TECPR2: variants seen among roughly 807,000 people sequenced by gnomAD.
The protein encoded by TECPR2 is tectonin beta-propeller repeat-containing protein 2.
Under a neutral mutation model 138.1 loss-of-function variants are expected in TECPR2, and 65 were observed. The ratio of observed to expected loss-of-function variants is 0.47; its 90% CI spans 0.39 to 0.58. The LOEUF (loss-of-function observed/expected upper bound fraction) is 0.58, where lower values mean the gene tolerates loss of function less well. Among genes scored for constraint, TECPR2 ranks in the 20% least tolerant of loss-of-function variants. The probability of loss-of-function intolerance (pLI) is 0.00; values close to 1 mark genes in which losing one functional copy is unlikely to be tolerated. For missense variants in TECPR2, 1,553 were observed against 1,824.5 expected, an observed-to-expected ratio of 0.85 and a Z score of 2.71; for synonymous variants, 746 against 749.8, an observed-to-expected ratio of 0.99 and a Z score of 0.08.
Position 102,376,773 on chromosome 14 carries a change from T to C in TECPR2, c.52T>C (p.Tyr18His). Residue 18 changes from tyrosine (Y) to histidine (H), a missense_variant, in exon 2 of 20, where the codon TAT becomes CAT. Transcript: ENST00000359520. Reference protein sequence around the residue: ...VTFREFCPLYYLLNAIPTKIQ... With the variant: ...VTFREFCPLYHLLNAIPTKIQ... Reference sequence around the variant, plus strand: ...ATTCAGAGAGTTCTGCCCGTTGTACTATCTCCTCAATGCCATTCCGACAAA... The same window carrying C: ...ATTCAGAGAGTTCTGCCCGTTGTACCATCTCCTCAATGCCATTCCGACAAA... The C allele has an allele frequency of 6.2e-7, 1 of 1,614,222 alleles. No individual in the cohort carries two copies. Among genetic ancestry groups the C allele is most frequent in the Non-Finnish European group, 8.5e-7 (1 of 1,180,042 alleles).
chr14:102,449,730 A>C lies in TECPR2; in HGVS notation c.3177A>C (p.Glu1059Asp). 1.2e-6 allele frequency: 2 copies of C among 1,614,132 alleles called. No individual in the cohort carries two copies. Among genetic ancestry groups the C allele is most frequent in the Non-Finnish European group, 1.7e-6 (2 of 1,180,030 alleles). Residue 1059 changes from glutamate to aspartate, a missense_variant, in exon 14 of 20, where the codon GAA (glutamate) becomes GAC (aspartate). Glu to Asp is a conservative substitution (Grantham distance 45, BLOSUM62 2). Transcript: ENST00000359520. ...SVATAAQAPV[E>D]KVADKLRMAF... ...CCACAGCAGCCCAAGCCCCCGTAGA[A>C]AAGGTGGCAGATAAGCTGCGCATGG...
chr14:102,481,447 C>T (rs1043965748), intron 17 of TECPR2, among the ~76,000 whole-genome samples: 1 of 152,166 alleles, frequency 6.6e-6, no homozygotes, highest in Non-Finnish European at 1.5e-5. Flanking sequence ...CCACACCGAG[C>T]CTGGTTTTTA....
At chr14:102,481,464 A>G (rs1254301685) in intron 17 of TECPR2, among the ~76,000 whole-genome samples, 1 of 152,132 alleles carries the variant, frequency 6.6e-6, no homozygotes. Flanking sequence ...TTTATTTTTC[A>G]TGAAAGTCAT....
At chr14:102,390,914 A>G (rs1002730010) in intron 2 of TECPR2, among the ~76,000 whole-genome samples, 1 of 152,140 alleles carries the variant, frequency 6.6e-6, no homozygotes, top group Non-Finnish European at 1.5e-5. Context: ...TTTCTTGTAT[A>G]TTATATGATC....
At position 102,461,273 on chromosome 14, in the gene TECPR2, A is replaced by G. The variant is rs114250910; in HGVS notation, c.3641-3868A>G. Among the ~76,000 whole-genome samples, 310 of 152,348 alleles carry G rather than the reference A, an allele frequency of 2.0e-3. 2 individuals carry two copies. Among genetic ancestry groups the G allele is most frequent in the African/African-American group, 7.1e-3 (295 of 41,582 alleles). ...CATTATGTCAGGCATTGGAATGTTT[A>G]GCAAACTAATGAAATTTGTAATTTA... On this transcript the variant is annotated intron_variant, in intron 16 of 19. Coordinates refer to ENST00000359520, the MANE Select transcript of TECPR2 (RefSeq NM_014844.5).
intron 2 of TECPR2, among the ~76,000 whole-genome samples, chr14:102,389,189 G>A (rs781292514): frequency 4.0e-5 from 6 of 151,628 alleles, no homozygotes; most frequent in Admixed American, 6.6e-5. Flanking sequence ...AGCCAGGTGT[G>A]GTGGCACACA....
intron 17 of TECPR2, among the ~76,000 whole-genome samples, chr14:102,483,000 C>T (rs367652816): frequency 2.0e-4 from 30 of 151,334 alleles, no homozygotes; most frequent in African/African-American, 6.1e-4. Flanking sequence ...CCCGCTACCA[C>T]GCCTGGCTAA....
At chr14:102,447,007 G>A (rs1889999821) in intron 13 of TECPR2, among the ~76,000 whole-genome samples, 1 of 152,140 alleles carries the variant, frequency 6.6e-6, no homozygotes, top group Non-Finnish European at 1.5e-5. Flanking sequence ...AGGCCTCTAA[G>A]TAGATGGTAT....
At position 102,376,837 on chromosome 14, in the gene TECPR2, C is replaced by T. The variant is rs778507175; in HGVS notation, c.116C>T (p.Thr39Met). The T allele has an allele frequency of 8.7e-6, 14 of 1,614,070 alleles. No individual in the cohort carries two copies. In the South Asian group the frequency reaches 9.9e-5, roughly 11 times the overall value. ...TTCCGCTCTATCGTGGTCTATCTCA[C>T]GGCCCTCGACACCAACGGGGACTAC... ...KGFRSIVVYLTALDTNGDYIA... is the reference protein window; with the variant it reads ...KGFRSIVVYLMALDTNGDYIA... The change falls in exon 2 of 20, where the codon ACG becomes ATG. Residue 39 changes from threonine to methionine, a missense_variant. Physicochemically the swap from Thr to Met is moderately conservative, Grantham distance 81. Coordinates refer to ENST00000359520, the MANE Select transcript of TECPR2 (RefSeq NM_014844.5).
intron 2 of TECPR2, among the ~76,000 whole-genome samples, chr14:102,406,710 C>G (rs1888668396): frequency 6.6e-6 from 1 of 152,108 alleles, no homozygotes; most frequent in Admixed American, 6.5e-5. Context: ...TTAAAATTAC[C>G]TGGGTGTGGG....
chr14:102,397,803 T>C (rs1352872554), intron 2 of TECPR2, among the ~76,000 whole-genome samples: 2 of 149,434 alleles, frequency 1.3e-5, no homozygotes, highest in African/African-American at 4.9e-5. Flanking sequence ...GAAGGCTGGG[T>C]GTGGTGGCTT....
At chr14:102,372,765 C>G (rs1247921182) in intron 1 of TECPR2, among the ~76,000 whole-genome samples, 1 of 151,730 alleles carries the variant, frequency 6.6e-6, no homozygotes, top group Non-Finnish European at 1.5e-5. Context: ...ATTAAAAATA[C>G]AAAAATTAGC....
intron 17 of TECPR2, among the ~76,000 whole-genome samples, chr14:102,476,499 A>G (rs1370822688): frequency 2.6e-5 from 4 of 152,192 alleles, no homozygotes; most frequent in Admixed American, 6.5e-5. Flanking sequence ...AGAAGAAAAG[A>G]CTAGTGAGCT....
At chr14:102,469,839 C>T (rs1890621178) in intron 17 of TECPR2, among the ~76,000 whole-genome samples, 1 of 152,008 alleles carries the variant, frequency 6.6e-6, no homozygotes, top group Admixed American at 6.6e-5. Context: ...TTTTTCTATG[C>T]CTATTGAGAT....
At chr14:102,400,509 G>C (rs1888449788) in intron 2 of TECPR2, among the ~76,000 whole-genome samples, 1 of 152,180 alleles carries the variant, frequency 6.6e-6, no homozygotes, top group Non-Finnish European at 1.5e-5. Flanking sequence ...TAATGGAGTG[G>C]AGCTTTTCTG....
At chr14:102,385,855 G>A (rs1296449618) in intron 2 of TECPR2, among the ~76,000 whole-genome samples, 1 of 151,616 alleles carries the variant, frequency 6.6e-6, no homozygotes, top group African/African-American at 2.4e-5. Flanking sequence ...AGGATCATTT[G>A]AGCCCAGGAG....
At chr14:102,498,018 C>CATGCGCCCAAGCTCCCAGCTCCAT in intron 19 of TECPR2, 85 bp from the exon 20 acceptor site, 2 of 824,174 alleles carry the variant, frequency 2.4e-6, no homozygotes, top group Non-Finnish European at 3.6e-6. Flanking sequence ...CAAGCCCAGA[C>CATGCGCCCAAGCTCCCAGCTCCAT]CTGCGCCCAA....
intron 2 of TECPR2, among the ~76,000 whole-genome samples, chr14:102,384,460 C>T (rs1394430012): frequency 6.6e-6 from 1 of 151,350 alleles, no homozygotes; most frequent in Non-Finnish European, 1.5e-5. Flanking sequence ...AGGCGGATCA[C>T]GAGGTCAGGA....
At chr14:102,436,045 C>T (rs1193278859) in intron 9 of TECPR2, among the ~76,000 whole-genome samples, 3 of 152,198 alleles carry the variant, frequency 2.0e-5, no homozygotes, top group Non-Finnish European at 4.4e-5. Context: ...TCACCATGTG[C>T]AGGTATCCCA....
Sources: allele counts gnomAD v4.1 joint callset (sites outside exome capture counted in the v4.1 genomes callset), GRCh38; gene constraint gnomAD v4.1.1; transcripts MANE v1.5; gene names NCBI Gene and HGNC (gene_info 2026-07-23, HGNC 2026-07-21).